Variants in ERN1 observed in about 807,000 individuals in gnomAD.
ERN1 encodes the protein serine/threonine-protein kinase/endoribonuclease IRE1.
A neutral mutation model predicts 113.1 loss-of-function variants in ERN1; 39 were observed. That is an observed-to-expected ratio of 0.34 (90% CI 0.27 to 0.45). The LOEUF is 0.45. Ranked by LOEUF, ERN1 falls within the 20% of genes least tolerant of loss-of-function variation. ERN1 has a pLI of 1.00. For missense variants in ERN1, 976 were observed against 1,274.8 expected, an observed-to-expected ratio of 0.77 and a Z score of 3.57; for synonymous variants, 507 against 515.9, an observed-to-expected ratio of 0.98 and a Z score of 0.23.
chr17:64,076,239 T>C (rs1187306980), intron 4 of ERN1, among the ~76,000 whole-genome samples: 1 of 152,256 alleles, frequency 6.6e-6, no homozygotes, highest in Admixed American at 6.5e-5. Flanking sequence ...TATAGATACC[T>C]GCTTTTATAG....
intron 1 of ERN1, among the ~76,000 whole-genome samples, chr17:64,105,414 A>G (rs182943713): frequency 6.6e-6 from 1 of 152,146 alleles, no homozygotes; most frequent in African/African-American, 2.4e-5. Flanking sequence ...ATAATAATAA[A>G]AAAAAGACTT....
intron 1 of ERN1, among the ~76,000 whole-genome samples, chr17:64,124,353 T>C (rs1912165270): frequency 6.6e-6 from 1 of 152,214 alleles, no homozygotes. Context: ...ACAATCCAAA[T>C]GTCCCTCAAT....
At chr17:64,068,566 G>A (rs529896101) in intron 6 of ERN1, among the ~76,000 whole-genome samples, 1 of 152,300 alleles carries the variant, frequency 6.6e-6, no homozygotes, top group South Asian at 2.1e-4. Flanking sequence ...GAATGTTGTT[G>A]TTAGCCATTA....
chr17:64,125,994 TAGAA>T (rs1160603817), intron 1 of ERN1, among the ~76,000 whole-genome samples: 2 of 151,952 alleles, frequency 1.3e-5, no homozygotes, highest in African/African-American at 4.8e-5. Context: ...AAGATATTGA[TAGAA>T]AGACTGTCTA....
In ERN1 at chr17:64,070,607, GCC is replaced by G. The variant is rs200226531; in HGVS notation, c.478+1372_478+1373del. The stretch of plus-strand genomic sequence containing the variant: ...GGAGAGCCCGGCCAGCTTCTGCAGG[GCC>G]CAAGATTAGTCTCACTGAGTTTTAG... On this transcript the variant is annotated intron_variant, in intron 6 of 21. Transcript: ENST00000433197. 9.2e-3 allele frequency among the ~76,000 whole-genome samples: 1,406 copies of G among 152,200 alleles called. 11 individuals are homozygous for G. The highest frequency in any genetic ancestry group is 0.013 in the Admixed American group (197 of 15,282).
intron 6 of ERN1, 96 bp from the exon 7 acceptor site, chr17:64,068,387 T>A: frequency 1.1e-6 from 1 of 884,984 alleles, no homozygotes. Context: ...AAATCCTCCC[T>A]AAACTGTAGG....
At chr17:64,055,614 G>T in intron 13 of ERN1, 61 bp downstream of exon 13, 1 of 1,451,376 alleles carries the variant, frequency 6.9e-7, no homozygotes, top group African/African-American at 1.4e-5. Flanking sequence ...AGACTCCTTG[G>T]ACTTCTCAGG....
At chr17:64,116,826 C>T (rs546367904) in intron 1 of ERN1, among the ~76,000 whole-genome samples, 16 of 151,982 alleles carry the variant, frequency 1.1e-4, no homozygotes, top group South Asian at 6.2e-4. Flanking sequence ...ACAACGTGGC[C>T]GGGAGCGGTG....
intron 6 of ERN1, 131 bp from the exon 7 acceptor site, chr17:64,068,422 C>T (rs1287025940): frequency 1.4e-5 from 9 of 654,490 alleles, no homozygotes; most frequent in South Asian, 1.8e-5. Flanking sequence ...CTATCCATGT[C>T]GATAGAGAAA....
At chr17:64,068,098 C>A in intron 7 of ERN1, 92 bp downstream of exon 7, 1 of 865,530 alleles carries the variant, frequency 1.2e-6, no homozygotes, top group South Asian at 1.6e-5. Context: ...CAAAGAGTAT[C>A]TTAAAAGAAA....
intron 12 of ERN1, among the ~76,000 whole-genome samples, chr17:64,057,364 CTTTT>C (rs1253806472): frequency 3.6e-3 from 12 of 3,298 alleles, no homozygotes; most frequent in East Asian, 0.024. Context: ...CTTTTTTTTT[CTTTT>C]TTTTTGAGAT....
chr17:64,045,148 C>T (rs923319770), intron 20 of ERN1, among the ~76,000 whole-genome samples: 6 of 152,028 alleles, frequency 3.9e-5, no homozygotes, highest in South Asian at 2.1e-4. Context: ...ACCTAGAGCA[C>T]GACACCATCA....
intron 1 of ERN1, among the ~76,000 whole-genome samples, chr17:64,113,561 G>A (rs994281278): frequency 2.0e-5 from 3 of 151,738 alleles, no homozygotes; most frequent in African/African-American, 7.3e-5. Context: ...CCAGGCTGGA[G>A]TGCAGTGGCG....
chr17:64,054,637 T>C lies in ERN1; in HGVS notation c.1763+101A>G. On this transcript the variant is annotated intron_variant, in intron 14 of 21. Coordinates refer to ENST00000433197, the MANE Select transcript of ERN1 (RefSeq NM_001433.5). This position sits in a 1 kb window ranked among gnomAD's most constrained non-coding sequence, Gnocchi z 4.9. ...GCCGGACTCCATGCGTCTAGGTCACTGCTTTGACCCTGCTGTGCTCTGAGC... is the reference window on the plus strand; with the variant it reads ...GCCGGACTCCATGCGTCTAGGTCACCGCTTTGACCCTGCTGTGCTCTGAGC... 9.5e-7 allele frequency: 1 copy of C among 1,058,144 alleles called. No homozygotes were observed. Among genetic ancestry groups the C allele is most frequent in the Non-Finnish European group, 1.4e-6 (1 of 726,206 alleles). The allele number at this position is 1,058,144 out of a possible 1,614,324, so 65.5% of individuals were successfully genotyped here.
chr17:64,049,243 T>A lies in ERN1; in HGVS notation c.2254-41A>T. ...AGGCGTGAGAGGTCTGGGAGCAGAG[T>A]TTTCATCCTCACTCACAGTCAGGGA... is the stretch of plus-strand genomic sequence containing the variant. On this transcript the variant is annotated intron_variant, in intron 17 of 21. Transcript: ENST00000433197. This position sits in a 1 kb window ranked among gnomAD's most constrained non-coding sequence, Gnocchi z 4.7. The A allele has an allele frequency of 6.5e-7, 1 of 1,528,964 alleles. No homozygotes were observed. Among genetic ancestry groups the A allele is most frequent in the Non-Finnish European group, 8.9e-7 (1 of 1,126,986 alleles). The allele number at this position is 1,528,964 out of a possible 1,614,324, so 94.7% of individuals were successfully genotyped here.
chr17:64,055,281 C>T (rs1912823319), intron 13 of ERN1, among the ~76,000 whole-genome samples: 1 of 152,230 alleles, frequency 6.6e-6, no homozygotes, highest in African/African-American at 2.4e-5. Flanking sequence ...CAGCTCTGTG[C>T]CAGTTCCCTC....
chr17:64,099,995 C>T (rs8065133), intron 1 of ERN1, among the ~76,000 whole-genome samples: 12,928 of 152,250 alleles, frequency 0.085, 1,799 homozygotes, highest in African/African-American at 0.29. Context: ...AATTCTACCT[C>T]TGGAACTAGG....
chr17:64,094,117 A>G (rs1174896439), intron 2 of ERN1, among the ~76,000 whole-genome samples: 1 of 152,240 alleles, frequency 6.6e-6, no homozygotes, highest in Non-Finnish European at 1.5e-5. Context: ...TGTTTTACAC[A>G]TAAGCACAAA....
At position 64,054,298 on chromosome 17, in the gene ERN1, C is replaced by T; in HGVS notation, c.1905G>A (p.Arg635=). The T allele has an allele frequency of 1.2e-6, 2 of 1,613,828 alleles. No homozygotes were observed. Among genetic ancestry groups the T allele is most frequent in the South Asian group, 1.1e-5 (1 of 91,002 alleles). Residue 635 remains arginine, a synonymous_variant, in exon 15 of 22, where the codon CGG becomes CGA. Transcript: ENST00000433197. This position sits in a 1 kb window ranked among gnomAD's most constrained non-coding sequence, Gnocchi z 4.9. ...VIRYFCTEKD[R]QFQYIAIELC... Reference sequence around the variant, plus strand: ...GCTCGATGGCAATGTACTGGAATTGCCGGTCCTTCTCCGTGCAGAAGTAGC... The same window carrying T: ...GCTCGATGGCAATGTACTGGAATTGTCGGTCCTTCTCCGTGCAGAAGTAGC...
Sources: gnomAD v4.1 joint callset for allele counts (sites outside exome capture counted in the v4.1 genomes callset) on GRCh38, gnomAD v4.1.1 for gene constraint, Gnocchi (gnomAD v3.1) non-coding constraint, MANE v1.5 for transcripts, NCBI Gene and HGNC (gene_info 2026-07-23, HGNC 2026-07-21) for gene names.